The following CRBN variants were observed in gnomAD, a reference collection of about 807,000 sequenced individuals.
CRBN encodes cereblon.
In CRBN, 53 loss-of-function variants were observed where a neutral mutation model predicts 62.2. The observed-to-expected ratio is 0.85, with a 90% CI of 0.68 to 1.07. The LOEUF (loss-of-function observed/expected upper bound fraction) is 1.07. CRBN is among the 50% of genes least tolerant of loss of function. The pLI, the probability that CRBN is intolerant of heterozygous loss-of-function variation, is 0.00. For missense variants in CRBN, 616 were observed against 531.1 expected, an observed-to-expected ratio of 1.16 and a Z score of -1.57; for synonymous variants, 208 against 176.1, an observed-to-expected ratio of 1.18 and a Z score of -1.43.
At chr3:3,154,347 GA>G (rs2126054317) in intron 7 of CRBN, 1 of 484,464 alleles carries the variant, frequency 2.1e-6, no homozygotes, top group Admixed American at 3.4e-5. Context: ...CAAGAGACTA[GA>G]AAAATAACTA....
At chr3:3,172,641 C>G in intron 4 of CRBN, 135 bp downstream of exon 4, 2 of 904,212 alleles carry the variant, frequency 2.2e-6, no homozygotes, top group Admixed American at 3.9e-5. Flanking sequence ...AACCACTGGG[C>G]TATACCTTAG....
At chr3:3,157,041 G>T (rs183085035) in intron 5 of CRBN, among the ~76,000 whole-genome samples, 1 of 152,284 alleles carries the variant, frequency 6.6e-6, no homozygotes, top group Admixed American at 6.5e-5. Flanking sequence ...CATATTCAGT[G>T]CAATACCAGT....
chr3:3,151,038 A>G lies in CRBN; in HGVS notation c.1156T>C (p.Trp386Arg). 1 of 1,613,880 alleles carries G rather than the reference A, an allele frequency of 6.2e-7. No individual in the cohort carries two copies. The highest frequency in any genetic ancestry group is 8.5e-7 in the Non-Finnish European group (1 of 1,179,892). The change falls in exon 11 of 11, where the codon TGG (tryptophan) becomes CGG (arginine). Residue 386 changes from tryptophan to arginine, a missense_variant. Coordinates refer to ENST00000231948, the MANE Select transcript of CRBN (RefSeq NM_016302.4). ...CAGATCTTACACTGGGCAACAGTCC[A>G]GGCATACCTAAGAAATTAAGGAAAG... ...TEHSWFPGYA[W>R]TVAQCKICAS...
rs890543015 is a variant in CRBN at position 3,162,034 on chromosome 3, C to T, written c.687+5600G>A. Among the ~76,000 whole-genome samples the T allele has an allele frequency of 2.1e-4, 32 of 152,170 alleles. 2 individuals are homozygous for T. Among genetic ancestry groups the T allele is most frequent in the Admixed American group, 1.8e-3 (27 of 15,278 alleles). ...ATTTAAACACTAATCTGGGAGATTA[C>T]GTATGAGACCCCTGCCCTTCCAAAT... is the stretch of plus-strand genomic sequence containing the variant. On this transcript the variant is annotated intron_variant, in intron 5 of 10. Coordinates refer to ENST00000231948, the MANE Select transcript of CRBN (RefSeq NM_016302.4).
chr3:3,172,110 G>A (rs899851422), intron 4 of CRBN: 5 of 152,232 alleles, frequency 3.3e-5, no homozygotes, highest in Non-Finnish European at 7.3e-5. Context: ...AGCCATGACA[G>A]CTTTGTCAAA....
rs1559257423 is a variant in CRBN at position 3,174,255 on chromosome 3, C to A, written c.181G>T (p.Gly61Cys). ...TSLPTSHTYLGADMEEFHGRT... is the reference protein window; with the variant it reads ...TSLPTSHTYLCADMEEFHGRT... ...CCATGAAATTCTTCCATATCAGCAC[C>A]TAGGTACTATATAAAAACATATATA... The change falls in exon 3 of 11, where the codon GGT becomes TGT. Residue 61 changes from glycine to cysteine, a missense_variant. Physicochemically the swap from Gly to Cys is radical, Grantham distance 159. Transcript: ENST00000231948. 9 of 1,611,886 alleles carry A rather than the reference C, an allele frequency of 5.6e-6. No homozygotes were observed. Among genetic ancestry groups the A allele is most frequent in the Non-Finnish European group, 6.8e-6 (8 of 1,178,028 alleles).
chr3:3,172,492 G>C (rs1286626109), intron 4 of CRBN: 1 of 428,712 alleles, frequency 2.3e-6, no homozygotes, highest in Non-Finnish European at 4.3e-6. Flanking sequence ...AACCTGGAGA[G>C]ACATTAGAAT....
At position 3,156,087 on chromosome 3, in the gene CRBN, A is replaced by C. The variant is rs2126056018; in HGVS notation, c.750+132T>G. 1.0e-5 allele frequency: 8 copies of C among 792,130 alleles called. No individual in the cohort carries two copies. The East Asian group carries it at 2.1e-4, about 21-fold the overall frequency. 49.1% of individuals were successfully genotyped at this position (792,130 alleles called of 1,614,324 possible). On this transcript the variant is annotated intron_variant, in intron 6 of 10. Transcript: ENST00000231948. ...CCAAAGTGCTGGGATTACAGGTGTG[A>C]GCCACCACTCTTAACGATATCTTAA...
At chr3:3,158,579 A>G (rs2126058135) in intron 5 of CRBN, among the ~76,000 whole-genome samples, 1 of 152,374 alleles carries the variant, frequency 6.6e-6, no homozygotes, top group South Asian at 2.1e-4. Context: ...CCAAGAGCAC[A>G]TCAAGTAGCT....
At chr3:3,162,511 TGA>T (rs1201146120) in intron 5 of CRBN, among the ~76,000 whole-genome samples, 4 of 152,178 alleles carry the variant, frequency 2.6e-5, no homozygotes, top group Non-Finnish European at 4.4e-5. Context: ...TCCTTAATCA[TGA>T]GAGACACGTG....
At chr3:3,161,026 T>A (rs571033941) in intron 5 of CRBN, among the ~76,000 whole-genome samples, 1 of 152,312 alleles carries the variant, frequency 6.6e-6, no homozygotes, top group African/African-American at 2.4e-5. Context: ...ACAGCAAGTA[T>A]CCAAAGAAAA....
chr3:3,157,431 A>G (rs1051360396), intron 5 of CRBN, among the ~76,000 whole-genome samples: 2 of 152,230 alleles, frequency 1.3e-5, no homozygotes, highest in East Asian at 3.8e-4. Flanking sequence ...AAAAGGAATA[A>G]GGTAGATCAA....
intron 3 of CRBN, among the ~76,000 whole-genome samples, chr3:3,173,633 A>C (rs1404943059): frequency 6.6e-6 from 1 of 152,184 alleles, no homozygotes; most frequent in Non-Finnish European, 1.5e-5. Flanking sequence ...GGATACTTAA[A>C]ATTCAGCTTC....
intron 9 of CRBN, 26 bp from the exon 10 acceptor site, chr3:3,152,613 AC>A: frequency 6.2e-7 from 1 of 1,613,874 alleles, no homozygotes; most frequent in South Asian, 1.1e-5. Context: ...AACATGGAGA[AC>A]ACGTCAAAAC....
intron 4 of CRBN, chr3:3,172,497 T>C (rs780978850): frequency 4.7e-5 from 21 of 445,272 alleles, no homozygotes; most frequent in Non-Finnish European, 7.4e-5. Flanking sequence ...GGAGAGACAT[T>C]AGAATCACCT....
chr3:3,150,027 A>C lies in CRBN; in HGVS notation c.*838T>G, dbSNP rs1223924485. ...AAGAACATGTTTAGTTTCACACTTA[A>C]GGTTTACTTACTTACAGATTTTCTT... On this transcript the variant is annotated 3_prime_UTR_variant, in exon 11 of 11. Coordinates refer to ENST00000231948, the MANE Select transcript of CRBN (RefSeq NM_016302.4). 6.6e-6 allele frequency: 1 copy of C among 152,138 alleles called. No individual in the cohort carries two copies. Among genetic ancestry groups the C allele is most frequent in the Non-Finnish European group, 1.5e-5 (1 of 67,990 alleles). 9.4% of individuals were successfully genotyped at this position (152,138 alleles called of 1,614,324 possible).
At chr3:3,153,312 C>G (rs1706716330) in intron 9 of CRBN, 112 bp downstream of exon 9, 4 of 696,398 alleles carry the variant, frequency 5.7e-6, no homozygotes, top group Non-Finnish European at 1.0e-5. Context: ...ATTTCATTTG[C>G]TAAATGTTTG....
intron 9 of CRBN, 108 bp downstream of exon 9, chr3:3,153,316 A>ATGTT (rs1393422026): frequency 2.8e-6 from 2 of 708,026 alleles, no homozygotes; most frequent in Non-Finnish European, 5.1e-6. Context: ...CATTTGCTAA[A>ATGTT]TGTTTGTAAC....
chr3:3,169,559 C>A (rs758857961), intron 4 of CRBN, among the ~76,000 whole-genome samples: 2 of 152,124 alleles, frequency 1.3e-5, no homozygotes, highest in Non-Finnish European at 2.9e-5. Flanking sequence ...TAAAGAAAAA[C>A]TAGCAGTATA....
Sources: allele counts gnomAD v4.1 joint callset (sites outside exome capture counted in the v4.1 genomes callset), GRCh38; gene constraint gnomAD v4.1.1; transcripts MANE v1.5; gene names NCBI Gene and HGNC (gene_info 2026-07-23, HGNC 2026-07-21).